The following INTS15 variants were observed in gnomAD, a reference collection of about 807,000 sequenced individuals.
INTS15 encodes integrator complex subunit 15.
At chr7:6,608,582 G>A in the INTS15 span, 17 of 1,033,584 alleles carry the variant, frequency 1.6e-5, no homozygotes, top group Middle Eastern at 4.6e-4. Flanking sequence ...CTGAGCCCAG[G>A]CTGCGTAGTG....
At chr7:6,605,768 G>C in the INTS15 span, among the ~76,000 whole-genome samples, 1 of 151,532 alleles carries the variant, frequency 6.6e-6, no homozygotes, top group Admixed American at 6.6e-5. Context: ...GTGTGATCTC[G>C]GCTCACTGCA....
At chr7:6,602,007 G>A in the INTS15 span, 5 of 1,138,178 alleles carry the variant, frequency 4.4e-6, no homozygotes, top group Non-Finnish European at 6.6e-6. Context: ...AGGCGCTCTT[G>A]CTGTCTTGCT....
At chr7:6,596,101 G>GA in the INTS15 span, among the ~76,000 whole-genome samples, 2 of 151,102 alleles carry the variant, frequency 1.3e-5, no homozygotes, top group African/African-American at 2.4e-5. Context: ...GCCCAGGCTA[G>GA]AATGCAGTGG....
chr7:6,595,287 T>G, the INTS15 span, among the ~76,000 whole-genome samples: 1 of 152,148 alleles, frequency 6.6e-6, no homozygotes, highest in Non-Finnish European at 1.5e-5. Context: ...CTCAGCCTCC[T>G]GAGTAGTCGG....
At chr7:6,601,973 A>G in the INTS15 span, 2 of 824,554 alleles carry the variant, frequency 2.4e-6, no homozygotes, top group Non-Finnish European at 4.0e-6. Flanking sequence ...CAGTTTCTAA[A>G]TGACACTAGG....
the INTS15 span, among the ~76,000 whole-genome samples, chr7:6,604,792 A>C: frequency 6.6e-6 from 1 of 152,204 alleles, no homozygotes; most frequent in East Asian, 1.9e-4. Context: ...TCCGTGCCAC[A>C]CTCACTCTGC....
the INTS15 span, among the ~76,000 whole-genome samples, chr7:6,598,171 CAA>C: frequency 6.6e-6 from 1 of 152,092 alleles, no homozygotes; most frequent in African/African-American, 2.4e-5. Context: ...TCTGTGGAAT[CAA>C]GAGGCTGCAC....
the INTS15 span, chr7:6,590,579 G>A: frequency 3.6e-6 from 5 of 1,394,108 alleles, no homozygotes; most frequent in Non-Finnish European, 3.7e-6. Flanking sequence ...CCATGTCCAG[G>A]ATCCCCGCGC....
chr7:6,606,080 G>A, the INTS15 span, among the ~76,000 whole-genome samples: 2 of 152,146 alleles, frequency 1.3e-5, no homozygotes, highest in African/African-American at 2.4e-5. Context: ...TTCTATCTCC[G>A]GCAGGGTGTG....
At chr7:6,605,952 G>A in the INTS15 span, among the ~76,000 whole-genome samples, 1 of 151,694 alleles carries the variant, frequency 6.6e-6, no homozygotes, top group African/African-American at 2.4e-5. Context: ...GCCTTCCTCG[G>A]CATCCAAAAG....
the INTS15 span, among the ~76,000 whole-genome samples, chr7:6,598,561 C>T: frequency 1.6e-4 from 25 of 151,880 alleles, no homozygotes; most frequent in African/African-American, 5.3e-4. Context: ...GTTCATACTC[C>T]AACAGTTGGC....
the INTS15 span, chr7:6,600,220 G>A: frequency 3.7e-6 from 6 of 1,614,188 alleles, no homozygotes; most frequent in Admixed American, 3.3e-5. Context: ...ACATGGTCCC[G>A]CTGGTAGAGG....
the INTS15 span, chr7:6,608,183 G>C: frequency 6.5e-7 from 1 of 1,544,398 alleles, no homozygotes; most frequent in South Asian, 1.2e-5. Flanking sequence ...TGTGCCTTCT[G>C]CGCTCTCGCT....
chr7:6,591,076 A>C, the INTS15 span, among the ~76,000 whole-genome samples: 1 of 147,272 alleles, frequency 6.8e-6, no homozygotes, highest in East Asian at 2.0e-4. Context: ...TGGGCTCAAG[A>C]TTCTCTCTCC....
At chr7:6,607,733 C>T in the INTS15 span, 9 of 1,505,062 alleles carry the variant, frequency 6.0e-6, no homozygotes, top group Middle Eastern at 2.4e-4. The surrounding 1 kb of genome is among the most constrained non-coding windows in gnomAD (Gnocchi z 6.0). Flanking sequence ...ACGGCCGGAG[C>T]TCCGTGGGCC....
At chr7:6,590,209 C>T in the INTS15 span, 1 of 1,305,136 alleles carries the variant, frequency 7.7e-7, no homozygotes, top group Non-Finnish European at 9.9e-7. Context: ...TCTTTGTTTC[C>T]ACGGGTAGCG....
the INTS15 span, chr7:6,600,419 AG>A: frequency 6.7e-7 from 1 of 1,492,342 alleles, no homozygotes. Context: ...AGAAGGAAGG[AG>A]GGGCTCCTGG....
the INTS15 span, chr7:6,590,350 C>A: frequency 6.9e-6 from 11 of 1,605,466 alleles, no homozygotes; most frequent in African/African-American, 1.3e-5. Flanking sequence ...GGTGTTGTAC[C>A]ACCTGGACAT....
chr7:6,608,459 C>T, the INTS15 span: 1 of 1,272,160 alleles, frequency 7.9e-7, no homozygotes, highest in Middle Eastern at 3.1e-4. Context: ...GCCTGTGTGG[C>T]GAGGAGTGTG....
Sources: gnomAD v4.1 joint callset for allele counts (sites outside exome capture counted in the v4.1 genomes callset) on GRCh38, gnomAD v4.1.1 for gene constraint, Gnocchi (gnomAD v3.1) non-coding constraint, MANE v1.5 for transcripts, NCBI Gene and HGNC (gene_info 2026-07-23, HGNC 2026-07-21) for gene names.